Variants in SRSF3 observed in about 807,000 individuals in gnomAD.
SRSF3 encodes serine/arginine-rich splicing factor 3.
For missense variants in SRSF3, 58 were observed against 217.1 expected, an observed-to-expected ratio of 0.27 and a Z score of 4.61; for synonymous variants, 87 against 73.6, an observed-to-expected ratio of 1.18 and a Z score of -0.93.
In SRSF3 at chr6:36,598,995, A is replaced by G. The variant is rs1778675764; in HGVS notation, c.341+12A>G. 1.2e-6 allele frequency: 2 copies of G among 1,613,720 alleles called. No homozygotes were observed. Among genetic ancestry groups the G allele is most frequent in the Non-Finnish European group, 1.7e-6 (2 of 1,179,898 alleles). On this transcript the variant is annotated intron_variant, in intron 3 of 5. Coordinates refer to ENST00000373715, the MANE Select transcript of SRSF3 (RefSeq NM_003017.5). ...CCACCTCGTCGCAGGTACTTGAGAGAAAGCTTGTTAAGAGGTATTGGTGTA... is the reference window on the plus strand; with the variant it reads ...CCACCTCGTCGCAGGTACTTGAGAGGAAGCTTGTTAAGAGGTATTGGTGTA...
At chr6:36,596,574 C>CGGGGGGGGGGGGGGGGGGGGGGG (rs34650091) in intron 1 of SRSF3, among the ~76,000 whole-genome samples, 187 bp from the exon 2 acceptor site, 2 of 91,962 alleles carry the variant, frequency 2.2e-5, no homozygotes, top group East Asian at 4.3e-4. Flanking sequence ...GGCGGGGTGG[C>CGGGGGGGGGGGGGGGGGGGGGGG]GGGGGGGGGG....
At chr6:36,598,436 T>A (rs533254004) in intron 2 of SRSF3, 1 of 156,700 alleles carries the variant, frequency 6.4e-6, no homozygotes, top group Admixed American at 6.2e-5. Context: ...CAGGCTGGAG[T>A]GCAATGGTGT....
rs3173259 is a variant in SRSF3 at position 36,602,611 on chromosome 6, C to G, written c.*622C>G. On this transcript the variant is annotated 3_prime_UTR_variant, in exon 6 of 6. Coordinates refer to ENST00000373715, the MANE Select transcript of SRSF3 (RefSeq NM_003017.5). ...TGCTGTATATGGATACATGGCTGTTCGTGACATTCTTTATGTGCAAATTTG... is the reference window on the plus strand; with the variant it reads ...TGCTGTATATGGATACATGGCTGTTGGTGACATTCTTTATGTGCAAATTTG... 1 of 215,900 alleles carries G rather than the reference C, an allele frequency of 4.6e-6. No individual in the cohort carries two copies. Among genetic ancestry groups the G allele is most frequent in the African/African-American group, 2.3e-5 (1 of 44,320 alleles). The allele number at this position is 215,900 out of a possible 1,614,324, so 13.4% of individuals were successfully genotyped here. A position where few individuals can be genotyped will look rare whatever the true frequency, so the allele number is the denominator to read the frequency against.
In SRSF3 at chr6:36,601,307, G is replaced by A. The variant is rs1042333718; in HGVS notation, c.380+117G>A. The A allele has an allele frequency of 1.2e-5, 12 of 979,640 alleles. 1 individual carries two copies. The Middle Eastern group carries it at 7.2e-4, about 59-fold the overall frequency. The allele number at this position is 979,640 out of a possible 1,614,324, so 60.7% of individuals were successfully genotyped here. On this transcript the variant is annotated intron_variant, in intron 4 of 5. Coordinates refer to ENST00000373715, the MANE Select transcript of SRSF3 (RefSeq NM_003017.5). ...AACCTTGGCTTTAATAGTGAATCAA[G>A]TTGTAAGGATGAGTCAGCTTTCTTT...
intron 3 of SRSF3, 125 bp from the exon 4 acceptor site, chr6:36,601,003 TTTTTTTTTTTTTTTTTTTTTTTTG>T: frequency 5.4e-6 from 1 of 184,040 alleles, no homozygotes; most frequent in Non-Finnish European, 9.9e-6. Flanking sequence ...TTTTTTTTCT[TTTTTTTTTTTTTTTTTTTTTTTTG>T]GACGATGGGT....
chr6:36,600,760 A>G (rs990144066), intron 3 of SRSF3: 1 of 163,388 alleles, frequency 6.1e-6, no homozygotes, highest in African/African-American at 2.4e-5. Context: ...CTTGTCATGG[A>G]CTTACAGGTT....
chr6:36,601,959 T>A lies in SRSF3; in HGVS notation c.468-3T>A, dbSNP rs201985596. 1.1e-5 allele frequency: 18 copies of A among 1,580,116 alleles called. No homozygotes were observed. Among genetic ancestry groups the A allele is most frequent in the East Asian group, 2.2e-5 (1 of 44,732 alleles). Reference sequence around the variant, plus strand: ...TGTTTTCTTTTTTTTTTTTTTTTTTTAGTCGATCTAGGTCAAATGAAAGGA... The same window carrying A: ...TGTTTTCTTTTTTTTTTTTTTTTTTAAGTCGATCTAGGTCAAATGAAAGGA... On this transcript the variant is annotated splice_polypyrimidine_tract_variant and splice_region_variant and intron_variant, in intron 5 of 5. Coordinates refer to ENST00000373715, the MANE Select transcript of SRSF3 (RefSeq NM_003017.5).
chr6:36,599,673 CT>C (rs1778686752), intron 3 of SRSF3: 4 of 582,062 alleles, frequency 6.9e-6, no homozygotes, highest in South Asian at 4.7e-5. Flanking sequence ...AATCTTGCCC[CT>C]TTTGCTATTT....
intron 5 of SRSF3, 32 bp from the exon 6 acceptor site, chr6:36,601,930 G>GTTT: frequency 6.8e-7 from 1 of 1,473,562 alleles, no homozygotes; most frequent in Non-Finnish European, 8.9e-7. Flanking sequence ...CAGATGTAAT[G>GTTT]TTTTGTTTTC....
intron 2 of SRSF3, among the ~76,000 whole-genome samples, chr6:36,597,781 A>G (rs1778655299): frequency 6.7e-6 from 1 of 150,336 alleles, no homozygotes; most frequent in Non-Finnish European, 1.5e-5. Context: ...GACTGGTTGT[A>G]TTAAGGGTGA....
rs1383787042 is a variant in SRSF3, at chr6:36,602,332, A to G, written c.*343A>G. On this transcript the variant is annotated 3_prime_UTR_variant, in exon 6 of 6. Transcript: ENST00000373715. ...TTTTTTTAAATTTAAATACAGAAAC[A>G]ACTGGCAAAAATTGAACTAAGATTT... 1.7e-5 allele frequency: 5 copies of G among 288,470 alleles called. No homozygotes were observed. Among genetic ancestry groups the G allele is most frequent in the African/African-American group, 1.1e-4 (5 of 46,772 alleles). The allele number at this position is 288,470 out of a possible 1,614,324, so 17.9% of individuals were successfully genotyped here. A position where few individuals can be genotyped will look rare whatever the true frequency, so the allele number is the denominator to read the frequency against.
In SRSF3 at chr6:36,605,151, G is replaced by T. The variant is rs754268910; in HGVS notation, c.*3162G>T. 1 of 152,138 alleles carries T rather than the reference G, an allele frequency of 6.6e-6. No homozygotes were observed. The highest frequency in any genetic ancestry group is 1.5e-5 in the Non-Finnish European group (1 of 68,028). 9.4% of individuals were successfully genotyped at this position (152,138 alleles called of 1,614,324 possible). ...TAGGGGGATTCATCGGGTACCTGAA[G>T]ATAATTCAGCTGTAGACCCCTTAAG... On this transcript the variant is annotated 3_prime_UTR_variant, in exon 6 of 6. Coordinates refer to ENST00000373715, the MANE Select transcript of SRSF3 (RefSeq NM_003017.5).
At chr6:36,601,293 T>A in intron 4 of SRSF3, 103 bp downstream of exon 4, 1 of 1,114,152 alleles carries the variant, frequency 9.0e-7, no homozygotes, top group Non-Finnish European at 1.3e-6. Context: ...ACCTTGGCTT[T>A]AATAGTGAAT....
intron 1 of SRSF3, among the ~76,000 whole-genome samples, chr6:36,595,837 G>GT (rs576047021): frequency 2.1e-3 from 316 of 152,190 alleles, no homozygotes; most frequent in Non-Finnish European, 3.5e-3. Context: ...TTTTTACCGC[G>GT]TAAGACTCTG....
chr6:36,599,191 ACTTCTAT>A (rs1161025166), intron 3 of SRSF3, among the ~76,000 whole-genome samples: 1 of 151,970 alleles, frequency 6.6e-6, no homozygotes, highest in African/African-American at 2.4e-5. Context: ...GTAGTCAGTA[ACTTCTAT>A]CTTGGATCTG....
At chr6:36,601,376 A>G (rs1039188829) in intron 4 of SRSF3, 186 bp downstream of exon 4, 10 of 642,252 alleles carry the variant, frequency 1.6e-5, no homozygotes, top group Admixed American at 3.0e-5. Context: ...TTTTTAAAAA[A>G]GGATCTGTCA....
intron 3 of SRSF3, chr6:36,599,553 T>C (rs1278193423): frequency 3.6e-6 from 1 of 274,578 alleles, no homozygotes; most frequent in African/African-American, 2.2e-5. Flanking sequence ...GACCAGGCAG[T>C]ATTGTCTGGG....
At chr6:36,600,058 C>G (rs887025703) in intron 3 of SRSF3, 7 of 1,226,378 alleles carry the variant, frequency 5.7e-6, no homozygotes, top group Non-Finnish European at 7.3e-6. Context: ...CCCACACATT[C>G]CTGGCCAATC....
rs2127506651 is a variant in SRSF3, at chr6:36,601,767, C to T, written c.440C>T (p.Pro147Leu). 6.2e-7 allele frequency: 1 copy of T among 1,609,392 alleles called. No homozygotes were observed. Among genetic ancestry groups the T allele is most frequent in the South Asian group, 1.1e-5 (1 of 90,762 alleles). ...RSLSRERNHK[P>L]SRSFSRSRSR... ...CTGTCTCGGGAGAGAAATCACAAGC[C>T]GTCCCGATCCTTCTCTAGGTCTCGT... Residue 147 changes from proline to leucine, a missense_variant, in exon 5 of 6, where the codon CCG becomes CTG. Pro to Leu is a moderately conservative substitution (Grantham distance 98, BLOSUM62 -3). Coordinates refer to ENST00000373715, the MANE Select transcript of SRSF3 (RefSeq NM_003017.5).
Sources: gnomAD v4.1 joint callset for allele counts (sites outside exome capture counted in the v4.1 genomes callset) on GRCh38, gnomAD v4.1.1 for gene constraint, MANE v1.5 for transcripts, NCBI Gene and HGNC (gene_info 2026-07-23, HGNC 2026-07-21) for gene names.